DNER: variants seen among roughly 807,000 people sequenced by gnomAD.
The protein encoded by DNER is delta and Notch-like epidermal growth factor-related receptor.
Under a neutral mutation model 78.2 loss-of-function variants are expected in DNER, and 33 were observed. The ratio of observed to expected loss-of-function variants is 0.42; its 90% CI spans 0.32 to 0.56. DNER has a LOEUF of 0.56. DNER is among the 20% of genes least tolerant of loss of function. The probability of loss-of-function intolerance (pLI) is 0.11; values close to 1 mark genes in which losing one functional copy is unlikely to be tolerated. For synonymous variants in DNER, 417 were observed against 384.8 expected (o/e 1.08, Z -0.98); for missense variants, 918 against 975.3 (o/e 0.94, Z 0.78).
In DNER at chr2:229,388,296, C is replaced by T. The variant is rs202150174; in HGVS notation, c.1824G>A (p.Pro608=). 20 of 1,609,764 alleles carry T rather than the reference C, an allele frequency of 1.2e-5. No homozygotes were observed. The highest frequency in any genetic ancestry group is 1.6e-4 in the Middle Eastern group (1 of 6,072). The stretch of plus-strand genomic sequence containing the variant: ...CACAGTTTGCTCCCACCCAACCATG[C>T]GGGCAGTGGCAGTTATAACCATTGG... ...DQPNGYNCHC[P]HGWVGANCEI... The change falls in exon 11 of 13, where the codon CCG becomes CCA. Residue 608 remains proline, a synonymous_variant. Coordinates refer to ENST00000341772, the MANE Select transcript of DNER (RefSeq NM_139072.4).
chr2:229,533,450 A>G (rs1408353688), intron 5 of DNER, among the ~76,000 whole-genome samples: 1 of 152,200 alleles, frequency 6.6e-6, no homozygotes, highest in African/African-American at 2.4e-5. Flanking sequence ...GATCATCACC[A>G]TCATCAGACA....
At chr2:229,517,255 G>A (rs1235141864) in intron 5 of DNER, among the ~76,000 whole-genome samples, 1 of 152,144 alleles carries the variant, frequency 6.6e-6, no homozygotes, top group African/African-American at 2.4e-5. Context: ...AGGAGCTGAG[G>A]GTCACAGAAG....
intron 8 of DNER, among the ~76,000 whole-genome samples, chr2:229,433,341 C>T (rs972375464): frequency 6.6e-6 from 1 of 152,156 alleles, no homozygotes; most frequent in Non-Finnish European, 1.5e-5. Flanking sequence ...TATAAATAAA[C>T]CAACAGTGAA....
At position 229,357,665 on chromosome 2, in the gene DNER, A is replaced by T. The variant is rs1001854536; in HGVS notation, c.*875T>A. ...ATCACATTTATTCAATATGGTTGGA[A>T]ATTAGCAAGAATCAGAAGAAGCACA... On this transcript the variant is annotated 3_prime_UTR_variant, in exon 13 of 13. Coordinates refer to ENST00000341772, the MANE Select transcript of DNER (RefSeq NM_139072.4). 1.3e-5 allele frequency: 2 copies of T among 152,206 alleles called. No homozygotes were observed. Among genetic ancestry groups the T allele is most frequent in the African/African-American group, 4.8e-5 (2 of 41,454 alleles). 9.4% of individuals were successfully genotyped at this position (152,206 alleles called of 1,614,324 possible).
chr2:229,362,784 C>A (rs866070330), intron 12 of DNER, among the ~76,000 whole-genome samples: 4 of 152,180 alleles, frequency 2.6e-5, no homozygotes, highest in African/African-American at 9.6e-5. Context: ...GCACGGACAT[C>A]TCAAACATCC....
chr2:229,505,775 A>G (rs1475385224), intron 6 of DNER, among the ~76,000 whole-genome samples: 1 of 152,238 alleles, frequency 6.6e-6, no homozygotes, highest in African/African-American at 2.4e-5. Flanking sequence ...GTAAATGTCA[A>G]TGTAAAAAGA....
At chr2:229,387,754 T>C (rs1296204348) in intron 11 of DNER, among the ~76,000 whole-genome samples, 3 of 152,306 alleles carry the variant, frequency 2.0e-5, no homozygotes, top group African/African-American at 7.2e-5. Context: ...CAAAATGTTT[T>C]TCAGCCTTTC....
intron 7 of DNER, among the ~76,000 whole-genome samples, chr2:229,457,195 C>T (rs116376368): frequency 0.015 from 2,320 of 151,896 alleles, 93 homozygotes; most frequent in African/African-American, 0.053. Context: ...TGAATAGAAA[C>T]AATAATAGGT....
intron 8 of DNER, among the ~76,000 whole-genome samples, chr2:229,420,630 G>A (rs1276181419): frequency 6.6e-6 from 1 of 152,086 alleles, no homozygotes; most frequent in Non-Finnish European, 1.5e-5. Flanking sequence ...TGGCCAACAG[G>A]CATATGAAAA....
At chr2:229,468,396 T>C (rs1441578882) in intron 7 of DNER, among the ~76,000 whole-genome samples, 1 of 152,152 alleles carries the variant, frequency 6.6e-6, no homozygotes, top group African/African-American at 2.4e-5. Flanking sequence ...AACATCACTA[T>C]TGTAAAACCT....
chr2:229,477,278 T>C, intron 6 of DNER, 25 bp from the exon 7 acceptor site: 1 of 1,578,624 alleles, frequency 6.3e-7, no homozygotes, highest in Non-Finnish European at 8.7e-7. Context: ...ATGTACATTT[T>C]ATAAAATAAG....
intron 1 of DNER, among the ~76,000 whole-genome samples, chr2:229,700,307 T>TGTGTGTGTGA (rs1559213982): frequency 2.7e-5 from 4 of 150,862 alleles, no homozygotes; most frequent in Non-Finnish European, 5.9e-5. Context: ...TGTGTGTGTG[T>TGTGTGTGTGA]GTGTGTGTGT....
intron 1 of DNER, among the ~76,000 whole-genome samples, chr2:229,680,866 C>T (rs1023766003): frequency 2.6e-5 from 4 of 152,190 alleles, no homozygotes; most frequent in African/African-American, 7.2e-5. Flanking sequence ...ATTCAATCAA[C>T]TGATACTTTT....
chr2:229,413,312 TTTCTTC>T (rs138821363), intron 9 of DNER, among the ~76,000 whole-genome samples: 2 of 113,014 alleles, frequency 1.8e-5, no homozygotes, highest in Admixed American at 1.1e-4. Context: ...TCTTTTTCTT[TTTCTTC>T]TTCTTTTTTT....
At chr2:229,499,444 C>CTAAAA (rs1695567396) in intron 6 of DNER, among the ~76,000 whole-genome samples, 3 of 74,808 alleles carry the variant, frequency 4.0e-5, no homozygotes, top group Non-Finnish European at 8.1e-5. Context: ...GACTCCAACT[C>CTAAAA]AAAAAAAAAA....
chr2:229,514,838 A>C (rs1039692902), intron 5 of DNER, among the ~76,000 whole-genome samples: 5 of 152,202 alleles, frequency 3.3e-5, no homozygotes, highest in African/African-American at 1.2e-4. Context: ...AGGCCAGACA[A>C]CAGGATATGA....
intron 4 of DNER, among the ~76,000 whole-genome samples, chr2:229,573,734 A>C (rs1399160247): frequency 6.6e-6 from 1 of 152,206 alleles, no homozygotes; most frequent in Non-Finnish European, 1.5e-5. Context: ...TCTCTGCATA[A>C]CATTAAATGA....
chr2:229,402,075 G>A (rs4508585), intron 10 of DNER, among the ~76,000 whole-genome samples: 21,097 of 151,798 alleles, frequency 0.14, 2,102 homozygotes, highest in East Asian at 0.52. Context: ...AGAAAACATC[G>A]GATAAAATTT....
Position 229,591,961 on chromosome 2 carries a change from T to G in DNER, c.277-73A>C. On this transcript the variant is annotated intron_variant, in intron 1 of 12. Transcript: ENST00000341772. The surrounding 1 kb of genome is among the most constrained non-coding windows in gnomAD (Gnocchi z 4.6). The stretch of plus-strand genomic sequence containing the variant: ...GGTGCCATCGCTGGGAAATTAGCTC[T>G]GTGTCTCAGAGCGACTGCTGTAATG... 15 of 1,439,690 alleles carry G rather than the reference T, an allele frequency of 1.0e-5. No individual in the cohort carries two copies. Among genetic ancestry groups the G allele is most frequent in the Non-Finnish European group, 1.3e-5 (14 of 1,098,024 alleles). The allele number at this position is 1,439,690 out of a possible 1,614,324, so 89.2% of individuals were successfully genotyped here.
Sources: allele counts gnomAD v4.1 joint callset (sites outside exome capture counted in the v4.1 genomes callset), GRCh38; gene constraint gnomAD v4.1.1; non-coding constraint Gnocchi (gnomAD v3.1); transcripts MANE v1.5; gene names NCBI Gene and HGNC (gene_info 2026-07-23, HGNC 2026-07-21).